The following SSX2IP variants were observed in gnomAD, a reference collection of about 807,000 sequenced individuals.
The protein encoded by SSX2IP is SSX family member 2 interacting protein, also known as afadin- and alpha-actinin-binding protein.
In SSX2IP, 55 loss-of-function variants were observed where a neutral mutation model predicts 84.9. The ratio of observed to expected loss-of-function variants is 0.65; its 90% confidence interval spans 0.52 to 0.81. The LOEUF is 0.81. Among genes scored for constraint, SSX2IP ranks in the 30% least tolerant of loss-of-function variants. SSX2IP has a pLI of 0.00. For missense variants in SSX2IP, 664 were observed against 705.2 expected, an observed-to-expected ratio of 0.94 and a Z score of 0.66; for synonymous variants, 239 against 234.7, an observed-to-expected ratio of 1.02 and a Z score of -0.17.
rs747544160 is a variant in SSX2IP, at chr1:84,651,874, A to G, written c.1504+9T>C. 3 of 1,550,402 alleles carry G rather than the reference A, an allele frequency of 1.9e-6. No homozygotes were observed. Among genetic ancestry groups the G allele is most frequent in the Non-Finnish European group, 2.7e-6 (3 of 1,124,798 alleles). ...CATGTTCAAATTAAAGAGTTTATAA[A>G]GTACTCACTTCCTGAGAAGGCACTG... On this transcript the variant is annotated intron_variant, in intron 12 of 13. Transcript: ENST00000342203.
intron 1 of SSX2IP, among the ~76,000 whole-genome samples, chr1:84,675,557 C>A (rs1179031574): frequency 6.6e-6 from 1 of 152,160 alleles, no homozygotes; most frequent in Non-Finnish European, 1.5e-5. Flanking sequence ...TTGTGGGCCT[C>A]AAGGTTTTTA....
chr1:84,666,582 T>A (rs1445879191), intron 4 of SSX2IP, among the ~76,000 whole-genome samples: 3 of 152,184 alleles, frequency 2.0e-5, no homozygotes, highest in Non-Finnish European at 2.9e-5. Context: ...TTTGAAGATC[T>A]CCTCAAGTAC....
rs758126079 is a variant in SSX2IP, at chr1:84,653,207, C to T, written c.1390-1210G>A. Among the ~76,000 whole-genome samples the T allele has an allele frequency of 4.6e-4, 70 of 152,084 alleles. 1 individual carries two copies. The highest frequency in any genetic ancestry group is 1.8e-4 in the Non-Finnish European group (12 of 67,996). On this transcript the variant is annotated intron_variant, in intron 11 of 13. Transcript: ENST00000342203. ...ACAGAATATTAGCATAACTTTTGAA[C>T]ATACAAAACATTATAAAGTTACAAA...
chr1:84,677,010 C>CA (rs1654440602), intron 1 of SSX2IP, among the ~76,000 whole-genome samples: 1 of 151,882 alleles, frequency 6.6e-6, no homozygotes, highest in Admixed American at 6.6e-5. Flanking sequence ...CCACCATGCC[C>CA]AGTCAACTCT....
At chr1:84,652,267 A>G (rs1650361830) in intron 11 of SSX2IP, 2 of 319,222 alleles carry the variant, frequency 6.3e-6, no homozygotes, top group Admixed American at 3.9e-5. Context: ...TACACGAAAT[A>G]CAAACATCAG....
intron 8 of SSX2IP, among the ~76,000 whole-genome samples, chr1:84,659,596 G>A (rs936659284): frequency 3.3e-5 from 5 of 151,918 alleles, no homozygotes; most frequent in African/African-American, 9.7e-5. Flanking sequence ...TCAAGAGATC[G>A]AAACCATCCT....
At chr1:84,667,547 T>G (rs1652939053) in intron 4 of SSX2IP, among the ~76,000 whole-genome samples, 1 of 152,098 alleles carries the variant, frequency 6.6e-6, no homozygotes, top group Non-Finnish European at 1.5e-5. Flanking sequence ...GCCAGAATAT[T>G]TACACATTGT....
chr1:84,653,069 A>G (rs1316133224), intron 11 of SSX2IP, among the ~76,000 whole-genome samples: 1 of 152,102 alleles, frequency 6.6e-6, no homozygotes, highest in East Asian at 1.9e-4. Flanking sequence ...GAAAAATTTC[A>G]CTTACGAAAA....
intron 1 of SSX2IP, among the ~76,000 whole-genome samples, chr1:84,685,765 T>A (rs1281904481): frequency 6.6e-6 from 1 of 152,226 alleles, no homozygotes; most frequent in South Asian, 2.1e-4. Context: ...TACTTACAGA[T>A]TATTTCTATG....
At chr1:84,682,514 T>A (rs1191059033) in intron 1 of SSX2IP, among the ~76,000 whole-genome samples, 1 of 151,904 alleles carries the variant, frequency 6.6e-6, no homozygotes, top group Non-Finnish European at 1.5e-5. Context: ...CTTTTTTTTT[T>A]TTTTTTGAGA....
At chr1:84,652,071 T>C (rs1650337630) in intron 11 of SSX2IP, 74 bp from the exon 12 acceptor site, 1 of 1,088,914 alleles carries the variant, frequency 9.2e-7, no homozygotes, top group Admixed American at 1.8e-5. Context: ...ATGATTGCTC[T>C]AGCTATCTTT....
At chr1:84,651,695 T>TC (rs1471790292) in intron 12 of SSX2IP, among the ~76,000 whole-genome samples, 188 bp downstream of exon 12, 2 of 152,138 alleles carry the variant, frequency 1.3e-5, no homozygotes, top group Non-Finnish European at 2.9e-5. Flanking sequence ...GTCACTGCAC[T>TC]CCAACCTGGG....
upstream of SSX2IP, chr1:84,690,732 G>GCGCAGCTGCGGC (rs1656512090): frequency 6.6e-6 from 1 of 151,746 alleles, no homozygotes; most frequent in African/African-American, 2.4e-5. Flanking sequence ...CGCGCTGCGG[G>GCGCAGCTGCGGC]CGCAGCTGCG....
At chr1:84,688,207 T>G (rs984326620) in intron 1 of SSX2IP, among the ~76,000 whole-genome samples, 1 of 152,226 alleles carries the variant, frequency 6.6e-6, no homozygotes, top group Non-Finnish European at 1.5e-5. Context: ...TCATTACTAC[T>G]AATGAATGGT....
At chr1:84,676,683 GAAACAAATCTGATTTCA>G in intron 1 of SSX2IP, among the ~76,000 whole-genome samples, 1 of 145,540 alleles carries the variant, frequency 6.9e-6, no homozygotes. Flanking sequence ...GTGAAGCCAG[GAAACAAATCTGATTTCA>G]AGACTCTGTG....
chr1:84,654,865 A>G (rs1269104829), intron 11 of SSX2IP, among the ~76,000 whole-genome samples: 1 of 152,208 alleles, frequency 6.6e-6, no homozygotes, highest in East Asian at 1.9e-4. Context: ...ATGAAAAATA[A>G]TATCACAAAA....
intron 5 of SSX2IP, 136 bp from the exon 6 acceptor site, chr1:84,664,688 CT>C: frequency 1.5e-6 from 1 of 665,916 alleles, no homozygotes; most frequent in Non-Finnish European, 2.2e-6. Context: ...GTAGAAACCA[CT>C]TTTTTAAATA....
chr1:84,673,464 C>T (rs1353768812), intron 1 of SSX2IP, among the ~76,000 whole-genome samples: 3 of 152,176 alleles, frequency 2.0e-5, no homozygotes, highest in Admixed American at 6.5e-5. Context: ...CGTAGGAAGT[C>T]GGATTTCCTC....
At chr1:84,678,774 T>C (rs1654703426) in intron 1 of SSX2IP, among the ~76,000 whole-genome samples, 1 of 152,222 alleles carries the variant, frequency 6.6e-6, no homozygotes, top group African/African-American at 2.4e-5. Context: ...AAGAGAGCTC[T>C]GCAGAAACAC....
Sources: gnomAD v4.1 joint callset for allele counts (sites outside exome capture counted in the v4.1 genomes callset) on GRCh38, gnomAD v4.1.1 for gene constraint, MANE v1.5 for transcripts, NCBI Gene and HGNC (gene_info 2026-07-23, HGNC 2026-07-21) for gene names.